Variants in XPR1 observed in about 807,000 individuals in gnomAD.
The protein encoded by XPR1 is xenotropic and polytropic retrovirus receptor 1, also known as solute carrier family 53 member 1.
Under a neutral mutation model 87.5 loss-of-function variants are expected in XPR1, and 28 were observed. The ratio of observed to expected loss-of-function variants is 0.32; its 90% CI spans 0.24 to 0.44. The LOEUF (loss-of-function observed/expected upper bound fraction) is 0.44. XPR1 is among the 20% of genes least tolerant of loss of function. The pLI is 1.00. For missense variants in XPR1, 559 were observed against 862.3 expected, an observed-to-expected ratio of 0.65 and a Z score of 4.41; for synonymous variants, 300 against 306.1, an observed-to-expected ratio of 0.98 and a Z score of 0.21.
intron 2 of XPR1, among the ~76,000 whole-genome samples, chr1:180,684,529 G>A (rs566361827): frequency 1.2e-3 from 190 of 152,084 alleles, no homozygotes; most frequent in Non-Finnish European, 2.2e-3. Context: ...GTGAAGAAAG[G>A]CATTGGTAGC....
intron 7 of XPR1, among the ~76,000 whole-genome samples, chr1:180,811,988 A>T (rs1436970159): frequency 1.3e-5 from 2 of 152,170 alleles, no homozygotes; most frequent in East Asian, 3.8e-4. Context: ...GATAGGAAGG[A>T]TTCCTAGGAG....
intron 3 of XPR1, among the ~76,000 whole-genome samples, chr1:180,793,379 A>C (rs1028264547): frequency 8.5e-5 from 13 of 152,144 alleles, no homozygotes; most frequent in Admixed American, 7.9e-4. Context: ...TGTGCAATGA[A>C]TCATGAGAAT....
intron 6 of XPR1, among the ~76,000 whole-genome samples, chr1:180,808,084 A>C (rs1650066329): frequency 6.6e-6 from 1 of 152,226 alleles, no homozygotes; most frequent in East Asian, 1.9e-4. Context: ...ACATTACCTT[A>C]TGAAAGCTTA....
chr1:180,791,869 T>G (rs1398254688), intron 3 of XPR1, among the ~76,000 whole-genome samples: 1 of 152,242 alleles, frequency 6.6e-6, no homozygotes, highest in Non-Finnish European at 1.5e-5. Context: ...GTTAGGTCGC[T>G]TCTCAAAAAT....
intron 12 of XPR1, among the ~76,000 whole-genome samples, chr1:180,864,751 T>G (rs146711826): frequency 2.0e-5 from 3 of 152,130 alleles, no homozygotes; most frequent in Non-Finnish European, 2.9e-5. Flanking sequence ...CTCAGATATT[T>G]TAGTAAAGGA....
intron 2 of XPR1, among the ~76,000 whole-genome samples, chr1:180,735,742 A>G (rs188694515): frequency 7.2e-4 from 109 of 152,340 alleles, no homozygotes; most frequent in Middle Eastern, 3.4e-3. Context: ...GTTTCATTAT[A>G]ATTTCCACCG....
intron 1 of XPR1, among the ~76,000 whole-genome samples, chr1:180,654,095 A>C (rs1655373952): frequency 6.6e-6 from 1 of 152,190 alleles, no homozygotes; most frequent in African/African-American, 2.4e-5. Flanking sequence ...AGTTTCTGTT[A>C]AAGTAGTGTG....
At chr1:180,731,953 G>A (rs1421619074) in intron 2 of XPR1, among the ~76,000 whole-genome samples, 1 of 152,120 alleles carries the variant, frequency 6.6e-6, no homozygotes, top group African/African-American at 2.4e-5. Context: ...AGCACTTTGG[G>A]AGACCAAGGT....
At chr1:180,671,807 A>G (rs1656188375) in intron 1 of XPR1, among the ~76,000 whole-genome samples, 1 of 151,942 alleles carries the variant, frequency 6.6e-6, no homozygotes, top group Non-Finnish European at 1.5e-5. Flanking sequence ...GTCACCGCAC[A>G]CAGCCAACTT....
rs541494243 is a variant in XPR1 at position 180,781,003 on chromosome 1, C to G, written c.122-6750C>G. Among the ~76,000 whole-genome samples the G allele has an allele frequency of 5.9e-5, 9 of 151,694 alleles. No homozygotes were observed. In the South Asian group the frequency reaches 1.9e-3, roughly 32 times the overall value. ...GGTGTCATATCTAAGAAACCATTGC[C>G]CCATCTGAGGTCAGGAAGATTTATA... On this transcript the variant is annotated intron_variant, in intron 2 of 14. Coordinates refer to ENST00000367590, the MANE Select transcript of XPR1 (RefSeq NM_004736.4).
At chr1:180,746,481 A>G (rs1647260507) in intron 2 of XPR1, among the ~76,000 whole-genome samples, 1 of 152,294 alleles carries the variant, frequency 6.6e-6, no homozygotes. Context: ...GTAGTATTCC[A>G]TGGTGTATAT....
rs186297552 is a variant in XPR1, at chr1:180,652,543, G to A, written c.69+20273G>A. 9.8e-5 allele frequency among the ~76,000 whole-genome samples: 15 copies of A among 152,302 alleles called. No individual in the cohort carries two copies. In the East Asian group the frequency reaches 2.7e-3, roughly 27 times the overall value. On this transcript the variant is annotated intron_variant, in intron 1 of 14. Transcript: ENST00000367590. ...TGTGACTTTCCAAGAGCATTTAGTG[G>A]AAGTTAAATTACAGTGTTGGTAGCT...
At chr1:180,827,369 A>G (rs374943040) in intron 9 of XPR1, among the ~76,000 whole-genome samples, 1 of 152,136 alleles carries the variant, frequency 6.6e-6, no homozygotes, top group African/African-American at 2.4e-5. Context: ...CAGTAACAGG[A>G]TAATATAGTT....
chr1:180,723,356 G>A (rs943390384), intron 2 of XPR1, among the ~76,000 whole-genome samples: 1 of 152,016 alleles, frequency 6.6e-6, no homozygotes, highest in Non-Finnish European at 1.5e-5. Context: ...AATTATGTAG[G>A]TAACGTCAAA....
chr1:180,691,306 G>T (rs1656986285), intron 2 of XPR1, among the ~76,000 whole-genome samples: 1 of 152,064 alleles, frequency 6.6e-6, no homozygotes, highest in African/African-American at 2.4e-5. Context: ...GACCATATGT[G>T]AGTTGTTAGA....
chr1:180,760,108 G>A (rs929434438), intron 2 of XPR1, among the ~76,000 whole-genome samples: 9 of 152,144 alleles, frequency 5.9e-5, no homozygotes, highest in South Asian at 2.1e-4. Flanking sequence ...TTGATGGGAC[G>A]TATCTCAAAA....
intron 9 of XPR1, among the ~76,000 whole-genome samples, chr1:180,826,752 ATTGT>A (rs898987796): frequency 1.3e-5 from 2 of 151,918 alleles, no homozygotes; most frequent in African/African-American, 4.8e-5. Flanking sequence ...TGCAGTTCCT[ATTGT>A]TTTTCTTTTG....
At chr1:180,712,841 T>G (rs1424978609) in intron 2 of XPR1, among the ~76,000 whole-genome samples, 1 of 151,060 alleles carries the variant, frequency 6.6e-6, no homozygotes, top group Non-Finnish European at 1.5e-5. Flanking sequence ...AATAAAAAAA[T>G]AAATCAGTTG....
intron 1 of XPR1, among the ~76,000 whole-genome samples, chr1:180,664,566 A>G (rs2101922975): frequency 6.6e-6 from 1 of 152,222 alleles, no homozygotes; most frequent in Non-Finnish European, 1.5e-5. Context: ...ACACAGAAGG[A>G]AGGGGTTTCT....
Sources: allele counts gnomAD v4.1 joint callset (sites outside exome capture counted in the v4.1 genomes callset), GRCh38; gene constraint gnomAD v4.1.1; transcripts MANE v1.5; gene names NCBI Gene and HGNC (gene_info 2026-07-23, HGNC 2026-07-21).